The following KBTBD11 variants were observed in gnomAD, a reference collection of about 807,000 sequenced individuals.
KBTBD11 encodes the protein kelch repeat and BTB domain-containing protein 11.
For missense variants in KBTBD11, 1,390 were observed against 1,001.8 expected, an observed-to-expected ratio of 1.39 and a Z score of -5.23; for synonymous variants, 747 against 499.0, an observed-to-expected ratio of 1.50 and a Z score of -6.63.
At chr8:1,974,356 G>C in intron 1 of KBTBD11, 1 of 984,542 alleles carries the variant, frequency 1.0e-6, no homozygotes, top group African/African-American at 1.7e-5. Flanking sequence ...GGGTCCCGCC[G>C]CCCCAGCCGG....
chr8:2,001,331 G>T lies in KBTBD11; in HGVS notation c.139G>T (p.Glu47Ter), dbSNP rs1351438400. 2 of 1,515,298 alleles carry T rather than the reference G, an allele frequency of 1.3e-6. No homozygotes were observed. The highest frequency in any genetic ancestry group is 2.6e-5 in the East Asian group (1 of 37,902). 93.9% of individuals were successfully genotyped at this position (1,515,298 alleles called of 1,614,324 possible). A position where few individuals can be genotyped will look rare whatever the true frequency, so the allele number is the denominator to read the frequency against. ...LGASLCFSSG[E>*]ESPPQSLASA... ...CGCGTCCCTGTGCTTCAGCTCCGGG[G>T]AAGAGTCCCCGCCGCAGTCCCTCGC... The change falls in exon 2 of 2, where the codon GAA becomes TAA. Residue 47 changes from glutamate (E) to a stop codon, truncating the protein, a stop_gained. Transcript: ENST00000320248. LOFTEE classifies it low-confidence loss of function (END_TRUNC).
chr8:1,976,400 G>C (rs1242503102), intron 1 of KBTBD11: 1 of 152,102 alleles, frequency 6.6e-6, no homozygotes, highest in African/African-American at 2.4e-5. Flanking sequence ...ATAAATTAAA[G>C]CATCTAGTTT....
chr8:1,978,461 A>G (rs1816425664), intron 1 of KBTBD11, among the ~76,000 whole-genome samples: 1 of 152,096 alleles, frequency 6.6e-6, no homozygotes, highest in Non-Finnish European at 1.5e-5. Flanking sequence ...CCCCTCGGGG[A>G]CCTTCCCCTG....
chr8:1,974,025 G>C, intron 1 of KBTBD11, 90 bp downstream of exon 1: 1 of 338,046 alleles, frequency 3.0e-6, no homozygotes, highest in Non-Finnish European at 4.1e-6. Flanking sequence ...CGGCGGGTGG[G>C]AGGTGGTCGG....
chr8:2,002,197 A>C lies in KBTBD11; in HGVS notation c.1005A>C (p.Gly335=). 8 of 1,253,642 alleles carry C rather than the reference A, an allele frequency of 6.4e-6. No individual in the cohort carries two copies. Among genetic ancestry groups the C allele is most frequent in the Non-Finnish European group, 8.0e-6 (8 of 1,002,438 alleles). 77.7% of individuals were successfully genotyped at this position (1,253,642 alleles called of 1,614,324 possible). A position where few individuals can be genotyped will look rare whatever the true frequency, so the allele number is the denominator to read the frequency against. The change falls in exon 2 of 2, where the codon GGA becomes GGC. Residue 335 remains glycine (G), a synonymous_variant. Coordinates refer to ENST00000320248, the MANE Select transcript of KBTBD11 (RefSeq NM_014867.3). This position sits in a 1 kb window ranked among gnomAD's most constrained non-coding sequence, Gnocchi z 4.1. ...AAVYCFHAAA[G]EWRELTRLPE... The stretch of plus-strand genomic sequence containing the variant: ...TCTACTGCTTCCACGCGGCGGCCGG[A>C]GAGTGGCGCGAGCTGACGCGGCTGC...
Position 2,002,871 on chromosome 8 carries a change from G to A in KBTBD11, c.1679G>A (p.Gly560Asp). The change falls in exon 2 of 2, where the codon GGC becomes GAC. Residue 560 changes from glycine (G) to aspartate (D), a missense_variant. Coordinates refer to ENST00000320248, the MANE Select transcript of KBTBD11 (RefSeq NM_014867.3). The surrounding 1 kb of genome is among the most constrained non-coding windows in gnomAD (Gnocchi z 4.1). ...CCCTTCCGCTGCGCCGCCCTGGACG[G>A]CGCCATCTACTGCGTGAGCCGCGCG... ...LQPFRCAALD[G>D]AIYCVSRAGT... The A allele has an allele frequency of 1.5e-6, 2 of 1,353,662 alleles. No homozygotes were observed. Among genetic ancestry groups the A allele is most frequent in the Non-Finnish European group, 1.9e-6 (2 of 1,060,010 alleles). 83.9% of individuals were successfully genotyped at this position (1,353,662 alleles called of 1,614,324 possible).
At chr8:1,974,770 C>CT in intron 1 of KBTBD11, 1 of 905,868 alleles carries the variant, frequency 1.1e-6, no homozygotes. Context: ...ACCAAAGTCC[C>CT]TCCACCTCTT....
At chr8:1,982,993 T>C (rs1816590579) in intron 1 of KBTBD11, among the ~76,000 whole-genome samples, 2 of 152,206 alleles carry the variant, frequency 1.3e-5, no homozygotes. Flanking sequence ...CTCAGAGTGC[T>C]GGGATTACAG....
intron 1 of KBTBD11, among the ~76,000 whole-genome samples, chr8:1,985,156 G>A (rs1816669724): frequency 6.6e-6 from 1 of 152,244 alleles, no homozygotes; most frequent in South Asian, 2.1e-4. Context: ...GACCCCCAAA[G>A]AGGGTGGCCG....
intron 1 of KBTBD11, chr8:1,976,345 AGCACATGTTT>A (rs1312816265): frequency 6.6e-6 from 1 of 152,074 alleles, no homozygotes; most frequent in Non-Finnish European, 1.5e-5. Context: ...GTTGGTATCC[AGCACATGTTT>A]GCAAAGTATT....
intron 1 of KBTBD11, among the ~76,000 whole-genome samples, chr8:1,991,556 G>A (rs887538891): frequency 6.6e-6 from 1 of 151,348 alleles, no homozygotes; most frequent in African/African-American, 2.5e-5. Flanking sequence ...TGATCCATGA[G>A]GGCAGGGCCC....
intron 1 of KBTBD11, chr8:1,974,508 T>A (rs1169321376): frequency 1.0e-6 from 1 of 982,096 alleles, no homozygotes; most frequent in East Asian, 1.2e-4. Flanking sequence ...CTCGGGGCCC[T>A]GGGGAGGGGA....
At chr8:1,996,396 A>G (rs1391377085) in intron 1 of KBTBD11, among the ~76,000 whole-genome samples, 1 of 152,076 alleles carries the variant, frequency 6.6e-6, no homozygotes, top group African/African-American at 2.4e-5. Flanking sequence ...CTTTCTGAGT[A>G]GCTGAGATTA....
intron 1 of KBTBD11, among the ~76,000 whole-genome samples, chr8:1,995,416 A>G (rs1817101292): frequency 6.6e-6 from 1 of 152,174 alleles, no homozygotes; most frequent in Non-Finnish European, 1.5e-5. Context: ...TACAAGGAAA[A>G]TGTATTTCCT....
chr8:1,992,158 CCTGCCGGGCTTTGTCA>C (rs1816942918), intron 1 of KBTBD11, among the ~76,000 whole-genome samples: 1 of 152,126 alleles, frequency 6.6e-6, no homozygotes, highest in Non-Finnish European at 1.5e-5. Flanking sequence ...GGGGCAGGTT[CCTGCCGGGCTTTGTCA>C]CTGCCTGAAG....
rs1817303997 is a variant in KBTBD11, at chr8:2,000,612, G to C, written c.-581G>C. On this transcript the variant is annotated 5_prime_UTR_variant, in exon 2 of 2. Coordinates refer to ENST00000320248, the MANE Select transcript of KBTBD11 (RefSeq NM_014867.3). ...GTGTTAAATCAAGGCTCTGAAGTTG[G>C]GGCCACAGCCGGTCTCAGCTTTCTG... The C allele has an allele frequency of 6.6e-6, 1 of 152,442 alleles. No homozygotes were observed. Among genetic ancestry groups the C allele is most frequent in the Non-Finnish European group, 1.5e-5 (1 of 68,222 alleles). The allele number at this position is 152,442 out of a possible 1,614,324, so 9.4% of individuals were successfully genotyped here. A position where few individuals can be genotyped will look rare whatever the true frequency, so the allele number is the denominator to read the frequency against.
At chr8:1,985,480 G>C (rs1816680389) in intron 1 of KBTBD11, among the ~76,000 whole-genome samples, 2 of 152,272 alleles carry the variant, frequency 1.3e-5, no homozygotes, top group African/African-American at 2.4e-5. Context: ...CTGGCGCCCG[G>C]CGCCCGGCAA....
chr8:2,001,358 T>G lies in KBTBD11; in HGVS notation c.166T>G (p.Ser56Ala). The change falls in exon 2 of 2, where the codon TCA (serine) becomes GCA (alanine). Residue 56 changes from serine to alanine, a missense_variant. Coordinates refer to ENST00000320248, the MANE Select transcript of KBTBD11 (RefSeq NM_014867.3). The part of the protein sequence containing the change: ...GEESPPQSLA[S>A]AAEGAATSPP... ...AGAGTCCCCGCCGCAGTCCCTCGCC[T>G]CAGCGGCGGAAGGCGCGGCCACCTC... 1 of 1,483,946 alleles carries G rather than the reference T, an allele frequency of 6.7e-7. No homozygotes were observed. The highest frequency in any genetic ancestry group is 2.8e-5 in the East Asian group (1 of 35,242). The allele number at this position is 1,483,946 out of a possible 1,614,324, so 91.9% of individuals were successfully genotyped here. A position where few individuals can be genotyped will look rare whatever the true frequency, so the allele number is the denominator to read the frequency against.
chr8:1,983,505 C>G (rs1184218473), intron 1 of KBTBD11, among the ~76,000 whole-genome samples: 7 of 152,266 alleles, frequency 4.6e-5, no homozygotes, highest in East Asian at 1.9e-4. Context: ...TGTAACACCC[C>G]CCTCAGCACT....
Sources: gnomAD v4.1 joint callset for allele counts (sites outside exome capture counted in the v4.1 genomes callset) on GRCh38, gnomAD v4.1.1 for gene constraint, Gnocchi (gnomAD v3.1) non-coding constraint, MANE v1.5 for transcripts, NCBI Gene and HGNC (gene_info 2026-07-23, HGNC 2026-07-21) for gene names.